The following ANO5 variants were observed in gnomAD, a reference collection of about 807,000 sequenced individuals.
The protein encoded by ANO5 is anoctamin-5.
In ANO5, 109 loss-of-function variants were observed where a neutral mutation model predicts 121.0. The ratio of observed to expected loss-of-function variants is 0.90; its 90% CI spans 0.77 to 1.06. The LOEUF (loss-of-function observed/expected upper bound fraction) is 1.06. ANO5 is among the 50% of genes least tolerant of loss of function. The pLI is 0.00. For synonymous variants in ANO5, 406 were observed against 359.9 expected (o/e 1.13, Z -1.45); for missense variants, 1,064 against 1,078.5 (o/e 0.99, Z 0.19).
In ANO5 at chr11:22,255,404, A is replaced by C; in HGVS notation, c.1214A>C (p.Gln405Pro). ...TLFLEFWKQR[Q>P]ARLEYEWDLV... Reference sequence around the variant, plus strand: ...TTTTTGGAGTTTTGGAAACAACGACAAGCCAGACTGGAATATGAATGGGAC... The same window carrying C: ...TTTTTGGAGTTTTGGAAACAACGACCAGCCAGACTGGAATATGAATGGGAC... Residue 405 changes from glutamine to proline, a missense_variant, in exon 13 of 22, where the codon CAA (glutamine) becomes CCA (proline). Transcript: ENST00000324559. 6.2e-7 allele frequency: 1 copy of C among 1,611,800 alleles called. No individual in the cohort carries two copies. The highest frequency in any genetic ancestry group is 2.2e-5 in the East Asian group (1 of 44,844).
chr11:22,267,521 T>C (rs1854410821), intron 17 of ANO5, among the ~76,000 whole-genome samples: 1 of 149,666 alleles, frequency 6.7e-6, no homozygotes, highest in South Asian at 2.1e-4. Flanking sequence ...TATATATATA[T>C]ATAAAATCTA....
Position 22,281,171 on chromosome 11 carries a change from T to C in ANO5, c.*1406T>C, listed in dbSNP as rs1416522831. On this transcript the variant is annotated 3_prime_UTR_variant, in exon 22 of 22. Transcript: ENST00000324559. ...TTATGTAGTATTTAAATCTCCAGTT[T>C]CAAATTATAATTCACCTCCAAAAGA... 6.6e-6 allele frequency: 1 copy of C among 152,020 alleles called. No individual in the cohort carries two copies. Among genetic ancestry groups the C allele is most frequent in the Non-Finnish European group, 1.5e-5 (1 of 67,902 alleles). The allele number at this position is 152,020 out of a possible 1,614,324, so 9.4% of individuals were successfully genotyped here. A position where few individuals can be genotyped will look rare whatever the true frequency, so the allele number is the denominator to read the frequency against.
intron 4 of ANO5, among the ~76,000 whole-genome samples, chr11:22,220,132 T>C (rs1345657722): frequency 6.6e-6 from 1 of 151,834 alleles, no homozygotes; most frequent in African/African-American, 2.4e-5. Flanking sequence ...TCCCATAGGG[T>C]ACAATAAAGG....
chr11:22,205,067 C>T (rs1258480776), intron 2 of ANO5, among the ~76,000 whole-genome samples: 1 of 151,984 alleles, frequency 6.6e-6, no homozygotes, highest in Non-Finnish European at 1.5e-5. Flanking sequence ...GAGTTGGAGG[C>T]CCATTACCTT....
intron 3 of ANO5, among the ~76,000 whole-genome samples, chr11:22,211,770 G>A (rs923287993): frequency 3.3e-5 from 5 of 151,808 alleles, no homozygotes; most frequent in African/African-American, 1.2e-4. Context: ...TCAATTAAAA[G>A]GTTGGTAAGG....
At chr11:22,264,396 C>T (rs1854294185) in intron 17 of ANO5, among the ~76,000 whole-genome samples, 1 of 150,710 alleles carries the variant, frequency 6.6e-6, no homozygotes, top group Non-Finnish European at 1.5e-5. Context: ...ATACCTAAAC[C>T]AAACAGAAGA....
intron 2 of ANO5, among the ~76,000 whole-genome samples, chr11:22,210,538 T>C (rs1390703161): frequency 6.6e-6 from 1 of 151,992 alleles, no homozygotes; most frequent in African/African-American, 2.4e-5. Flanking sequence ...TTTCTGTTGG[T>C]TGATGTCTCT....
chr11:22,245,138 G>A (rs1161760773), intron 9 of ANO5, among the ~76,000 whole-genome samples: 1 of 152,146 alleles, frequency 6.6e-6, no homozygotes. Context: ...TTGGCAGAAT[G>A]TTTTTGGTGT....
chr11:22,232,791 A>G (rs920492744), intron 7 of ANO5, among the ~76,000 whole-genome samples: 1 of 151,870 alleles, frequency 6.6e-6, no homozygotes, highest in African/African-American at 2.4e-5. Flanking sequence ...CTTATAACCT[A>G]AGTATCTATA....
At chr11:22,241,495 A>G (rs1853430977) in intron 9 of ANO5, among the ~76,000 whole-genome samples, 1 of 151,840 alleles carries the variant, frequency 6.6e-6, no homozygotes, top group South Asian at 2.1e-4. Flanking sequence ...AGCTGAATTA[A>G]TTTTCATTCC....
rs151132112 is a variant in ANO5, at chr11:22,209,775, T to C, written c.88-1489T>C. On this transcript the variant is annotated intron_variant, in intron 2 of 21. Transcript: ENST00000324559. ...GTGAAGATATAACCCCATCTTTTGA[T>C]TGGAAATCAGAGCAAAGATTTTTCC... 1.5e-3 allele frequency among the ~76,000 whole-genome samples: 229 copies of C among 152,004 alleles called. 2 individuals are homozygous for C. Among genetic ancestry groups the C allele is most frequent in the African/African-American group, 5.3e-3 (222 of 41,550 alleles).
intron 15 of ANO5, 58 bp downstream of exon 15, chr11:22,259,799 G>A (rs775910029): frequency 3.9e-5 from 58 of 1,498,378 alleles, no homozygotes; most frequent in Non-Finnish European, 4.3e-5. Flanking sequence ...GATGCTATAT[G>A]TCTATTTTGG....
intron 7 of ANO5, among the ~76,000 whole-genome samples, chr11:22,231,891 CT>C (rs1435952261): frequency 6.6e-6 from 1 of 151,958 alleles, no homozygotes; most frequent in Non-Finnish European, 1.5e-5. Context: ...CGTGTTGTCT[CT>C]TTTCTTAATG....
At chr11:22,211,181 G>A in intron 2 of ANO5, 83 bp from the exon 3 acceptor site, 18 of 1,387,626 alleles carry the variant, frequency 1.3e-5, no homozygotes, top group Non-Finnish European at 1.8e-5. Flanking sequence ...AGAGATTACA[G>A]AGTTGTTACT....
At chr11:22,274,868 A>G in intron 20 of ANO5, 121 bp downstream of exon 20, 1 of 1,275,880 alleles carries the variant, frequency 7.8e-7, no homozygotes, top group South Asian at 1.3e-5. Flanking sequence ...AAAATCCTGT[A>G]TAAATAAAGT....
rs185351608 is a variant in ANO5, at chr11:22,267,365, T to A, written c.1899-2947T>A. On this transcript the variant is annotated intron_variant, in intron 17 of 21. Coordinates refer to ENST00000324559, the MANE Select transcript of ANO5 (RefSeq NM_213599.3). The stretch of plus-strand genomic sequence containing the variant: ...TATATGTATAAACTATATATTTGTA[T>A]AAATCCTTATATTACCATTTATTGA... Among the ~76,000 whole-genome samples, 371 of 151,780 alleles carry A rather than the reference T, an allele frequency of 2.4e-3. 2 individuals are homozygous for A. Among genetic ancestry groups the A allele is most frequent in the African/African-American group, 8.7e-3 (359 of 41,434 alleles).
rs149662879 is a variant in ANO5, at chr11:22,204,868, A to G, written c.87+1018A>G. Among the ~76,000 whole-genome samples, 1,378 of 152,252 alleles carry G rather than the reference A, an allele frequency of 9.1e-3. 20 individuals carry two copies. The highest frequency in any genetic ancestry group is 0.032 in the African/African-American group (1,314 of 41,568). ...TGGGTATATGCCCAAAGGAATACAAATCATTCTTTTTTAAAGACCCATGCA... is the reference window on the plus strand; with the variant it reads ...TGGGTATATGCCCAAAGGAATACAAGTCATTCTTTTTTAAAGACCCATGCA... On this transcript the variant is annotated intron_variant, in intron 2 of 21. Transcript: ENST00000324559.
intron 2 of ANO5, among the ~76,000 whole-genome samples, chr11:22,207,889 C>A (rs562837694): frequency 6.6e-6 from 1 of 151,962 alleles, no homozygotes; most frequent in African/African-American, 2.4e-5. Flanking sequence ...AGATCTTTCA[C>A]TAAAGAGGAA....
chr11:22,203,928 C>T, intron 2 of ANO5, 78 bp downstream of exon 2: 2 of 938,822 alleles, frequency 2.1e-6, no homozygotes, highest in Non-Finnish European at 3.3e-6. Context: ...AGCCTTTGTA[C>T]TTATTTACTT....
Sources: allele counts gnomAD v4.1 joint callset (sites outside exome capture counted in the v4.1 genomes callset), GRCh38; gene constraint gnomAD v4.1.1; transcripts MANE v1.5; gene names NCBI Gene and HGNC (gene_info 2026-07-23, HGNC 2026-07-21).